Variants in ELAPOR2 observed in about 807,000 individuals in gnomAD.
The protein encoded by ELAPOR2 is endosome/lysosome-associated apoptosis and autophagy regulator family member 2.
In ELAPOR2, 89 loss-of-function variants were observed where a neutral mutation model predicts 120.7. That is an observed-to-expected ratio of 0.74 (90% CI 0.62 to 0.88). The LOEUF (loss-of-function observed/expected upper bound fraction) is 0.88. Among genes scored for constraint, ELAPOR2 ranks in the 40% least tolerant of loss-of-function variants. The probability of loss-of-function intolerance (pLI) is 0.00; values close to 1 mark genes in which losing one functional copy is unlikely to be tolerated. For synonymous variants in ELAPOR2, 444 were observed against 444.9 expected (o/e 1.00, Z 0.03); for missense variants, 1,134 against 1,251.6 (o/e 0.91, Z 1.42).
intron 12 of ELAPOR2, among the ~76,000 whole-genome samples, chr7:86,917,240 T>C (rs1789610582): frequency 6.6e-6 from 1 of 151,854 alleles, no homozygotes; most frequent in Non-Finnish European, 1.5e-5. Flanking sequence ...GCCAACATGG[T>C]GAAACTTCAT....
At chr7:87,043,875 C>A (rs1268752864) in intron 1 of ELAPOR2, among the ~76,000 whole-genome samples, 1 of 151,792 alleles carries the variant, frequency 6.6e-6, no homozygotes, top group African/African-American at 2.4e-5. Context: ...TGTCTCAGCC[C>A]AAAATCTCCT....
At chr7:86,941,382 T>G (rs1212733786) in intron 5 of ELAPOR2, 3 of 530,474 alleles carry the variant, frequency 5.7e-6, no homozygotes, top group African/African-American at 1.9e-5. Context: ...TTTAAGGAGC[T>G]GTCCTGTAAG....
intron 3 of ELAPOR2, among the ~76,000 whole-genome samples, 183 bp from the exon 4 acceptor site, chr7:86,945,229 T>A (rs1374421327): frequency 6.6e-6 from 1 of 152,184 alleles, no homozygotes; most frequent in African/African-American, 2.4e-5. Flanking sequence ...TTATGGCAAA[T>A]AACTTCGTAA....
At chr7:86,919,476 G>A (rs890518613) in intron 10 of ELAPOR2, among the ~76,000 whole-genome samples, 166 bp from the exon 11 acceptor site, 7 of 152,106 alleles carry the variant, frequency 4.6e-5, no homozygotes, top group Non-Finnish European at 7.4e-5. Flanking sequence ...ATTTCATCCC[G>A]AGGTAGATGT....
At chr7:86,986,631 A>C (rs1039480751) in intron 1 of ELAPOR2, among the ~76,000 whole-genome samples, 5 of 150,048 alleles carry the variant, frequency 3.3e-5, no homozygotes, top group African/African-American at 1.2e-4. Context: ...TAGAAATCCA[A>C]CTTACAAGGG....
chr7:87,042,672 T>C (rs1324129271), intron 1 of ELAPOR2, among the ~76,000 whole-genome samples: 8 of 151,972 alleles, frequency 5.3e-5, no homozygotes, highest in Non-Finnish European at 1.2e-4. Flanking sequence ...AGATCCAAAA[T>C]TGGCACCCTA....
chr7:86,954,380 T>C (rs925301328), intron 2 of ELAPOR2, among the ~76,000 whole-genome samples: 1 of 152,222 alleles, frequency 6.6e-6, no homozygotes, highest in African/African-American at 2.4e-5. Context: ...TTGCTTTTTC[T>C]TCCTCCAGAG....
intron 18 of ELAPOR2, among the ~76,000 whole-genome samples, chr7:86,898,884 A>G (rs1788576476): frequency 1.3e-5 from 2 of 152,124 alleles, no homozygotes; most frequent in African/African-American, 4.8e-5. Context: ...AGAATGCTGC[A>G]CAGGACCCTG....
chr7:86,951,370 TG>T (rs1431464119), intron 2 of ELAPOR2, among the ~76,000 whole-genome samples: 2 of 152,270 alleles, frequency 1.3e-5, no homozygotes, highest in Non-Finnish European at 2.9e-5. Context: ...TTTTATGATA[TG>T]TTGTTATAAA....
chr7:86,887,311 A>T (rs1799739645), intron 21 of ELAPOR2, among the ~76,000 whole-genome samples: 1 of 152,126 alleles, frequency 6.6e-6, no homozygotes, highest in South Asian at 2.1e-4. Flanking sequence ...ATCTGCCATC[A>T]TAGACTGGGC....
At chr7:86,888,906 T>C (rs2115802234) in intron 21 of ELAPOR2, among the ~76,000 whole-genome samples, 1 of 152,238 alleles carries the variant, frequency 6.6e-6, no homozygotes, top group African/African-American at 2.4e-5. Context: ...ACACTTTCTT[T>C]GCAGAGGCAC....
At chr7:86,927,233 T>C (rs1313692225) in intron 8 of ELAPOR2, among the ~76,000 whole-genome samples, 1 of 152,026 alleles carries the variant, frequency 6.6e-6, no homozygotes, top group African/African-American at 2.4e-5. Flanking sequence ...ATTTACTTTA[T>C]TCCATAGCTG....
At chr7:86,939,000 A>T (rs368665565) in intron 6 of ELAPOR2, 40 bp from the exon 7 acceptor site, 16 of 1,609,522 alleles carry the variant, frequency 9.9e-6, no homozygotes, top group Non-Finnish European at 1.1e-5. Context: ...AGGGGGACCC[A>T]ATACCAATAA....
chr7:86,942,470 T>G (rs561752670), intron 4 of ELAPOR2, among the ~76,000 whole-genome samples: 1 of 152,078 alleles, frequency 6.6e-6, no homozygotes, highest in African/African-American at 2.4e-5. Flanking sequence ...GCATTCACCA[T>G]GCAGGCCCAA....
intron 1 of ELAPOR2, among the ~76,000 whole-genome samples, chr7:86,975,613 T>A (rs149167247): frequency 7.2e-5 from 11 of 152,306 alleles, no homozygotes; most frequent in African/African-American, 2.4e-4. Context: ...CCTGCTCTCA[T>A]TACACTTTGC....
At chr7:86,889,278 T>C (rs1799839828) in intron 21 of ELAPOR2, among the ~76,000 whole-genome samples, 1 of 152,032 alleles carries the variant, frequency 6.6e-6, no homozygotes, top group African/African-American at 2.4e-5. Flanking sequence ...TGGATTGTCT[T>C]GTTGGATTGC....
chr7:86,961,020 T>C (rs556615998), intron 2 of ELAPOR2, among the ~76,000 whole-genome samples: 1 of 152,294 alleles, frequency 6.6e-6, no homozygotes, highest in South Asian at 2.1e-4. Context: ...AAAGTCATGT[T>C]TGAAGCCACA....
At chr7:86,980,952 G>A (rs1792453567) in intron 1 of ELAPOR2, among the ~76,000 whole-genome samples, 1 of 152,174 alleles carries the variant, frequency 6.6e-6, no homozygotes. Context: ...GGCAGGCCTG[G>A]AGAGGCTGAC....
intron 2 of ELAPOR2, among the ~76,000 whole-genome samples, chr7:86,949,935 G>A (rs2116399879): frequency 6.6e-6 from 1 of 152,346 alleles, no homozygotes; most frequent in Non-Finnish European, 1.5e-5. Flanking sequence ...CCACCTTCAA[G>A]CCAGGGAGGC....
Sources: gnomAD v4.1 joint callset for allele counts (sites outside exome capture counted in the v4.1 genomes callset) on GRCh38, gnomAD v4.1.1 for gene constraint, MANE v1.5 for transcripts, NCBI Gene and HGNC (gene_info 2026-07-23, HGNC 2026-07-21) for gene names.